ARHGAP42: variants seen among roughly 807,000 people sequenced by gnomAD.
ARHGAP42 encodes Rho GTPase activating protein 42.
In ARHGAP42, 63 loss-of-function variants were observed where a neutral mutation model predicts 125.0. The observed-to-expected ratio is 0.50, with a 90% CI of 0.41 to 0.62. The LOEUF (loss-of-function observed/expected upper bound fraction) is 0.62. ARHGAP42 is among the 20% of genes least tolerant of loss of function. The probability of loss-of-function intolerance (pLI) is 0.00; values close to 1 mark genes in which losing one functional copy is unlikely to be tolerated. For missense variants in ARHGAP42, 766 were observed against 1,024.2 expected (o/e 0.75, Z 3.44); for synonymous variants, 339 against 351.0 (o/e 0.97, Z 0.38).
Position 100,703,394 on chromosome 11 carries a change from T to G in ARHGAP42, c.154+15562T>G, listed in dbSNP as rs140476229. On this transcript the variant is annotated intron_variant, in intron 1 of 23. Coordinates refer to ENST00000298815, the MANE Select transcript of ARHGAP42 (RefSeq NM_152432.4). ...AACATATTATGAAGATGTAGCATTT[T>G]TTTTTCACTTGCTCTTGGCAGGATC... 1.1e-4 allele frequency among the ~76,000 whole-genome samples: 16 copies of G among 152,358 alleles called. No homozygotes were observed. In the East Asian group the frequency reaches 3.1e-3, roughly 29 times the overall value.
chr11:100,796,329 T>A (rs2093652574), intron 3 of ARHGAP42, among the ~76,000 whole-genome samples: 1 of 152,226 alleles, frequency 6.6e-6, no homozygotes. Flanking sequence ...CTGACTGCTG[T>A]ACCAGCCAGC....
At chr11:100,904,951 C>A (rs1177016950) in intron 4 of ARHGAP42, among the ~76,000 whole-genome samples, 1 of 152,204 alleles carries the variant, frequency 6.6e-6, no homozygotes, top group Non-Finnish European at 1.5e-5. Flanking sequence ...CAGCACTGAG[C>A]ATCAGTACCA....
chr11:100,939,432 T>G (rs1041411466), intron 8 of ARHGAP42, among the ~76,000 whole-genome samples: 18 of 152,194 alleles, frequency 1.2e-4, no homozygotes, highest in Admixed American at 6.6e-5. Context: ...TAAAATAGCT[T>G]GAAAATATCA....
chr11:100,728,979 G>A (rs1040456624), intron 1 of ARHGAP42, among the ~76,000 whole-genome samples: 1 of 151,764 alleles, frequency 6.6e-6, no homozygotes, highest in African/African-American at 2.4e-5. Flanking sequence ...ATGTTGGCCA[G>A]GCTGGTCCTG....
At position 100,992,588 on chromosome 11, in the gene ARHGAP42, A is replaced by C. The variant is rs61995873; in HGVS notation, c.*3787A>C. On this transcript the variant is annotated 3_prime_UTR_variant, in exon 24 of 24. Transcript: ENST00000298815. ...TATCGAGTATTCATCAACTGGTCTCAATTTCCTGAACACATTCACTGTATC... is the reference window on the plus strand; with the variant it reads ...TATCGAGTATTCATCAACTGGTCTCCATTTCCTGAACACATTCACTGTATC... 0.05 allele frequency: 80,958 copies of C among 1,613,960 alleles called. 2,669 individuals carry two copies. The highest frequency in any genetic ancestry group is 0.16 in the East Asian group (7,375 of 44,844).
At chr11:100,910,252 A>G (rs1284538323) in intron 4 of ARHGAP42, among the ~76,000 whole-genome samples, 1 of 152,154 alleles carries the variant, frequency 6.6e-6, no homozygotes, top group Non-Finnish European at 1.5e-5. Context: ...GCATAGACAT[A>G]TAGTAAGTAA....
At chr11:100,691,635 C>T (rs991705373) in intron 1 of ARHGAP42, among the ~76,000 whole-genome samples, 2 of 152,146 alleles carry the variant, frequency 1.3e-5, no homozygotes, top group African/African-American at 4.8e-5. Context: ...CCCACCTCAG[C>T]CTCCCCAGTA....
At chr11:100,912,375 G>T (rs1403495459) in intron 4 of ARHGAP42, among the ~76,000 whole-genome samples, 1 of 151,942 alleles carries the variant, frequency 6.6e-6, no homozygotes, top group African/African-American at 2.4e-5. Flanking sequence ...AGCATTATGT[G>T]TTATAAACAC....
In ARHGAP42 at chr11:100,974,587, C is replaced by G. The variant is rs1239436601; in HGVS notation, c.1839C>G (p.Cys613Trp). ...AGCCCAGAGGGAGGTATACTCCATG[C>G]CTGGCCGAACCTGATAGTAAGTGCA... Reference protein sequence around the residue: ...SRKPRGRYTPCLAEPDSDSYS... With the variant: ...SRKPRGRYTPWLAEPDSDSYS... Residue 613 changes from cysteine (C) to tryptophan (W), a missense_variant, in exon 19 of 24, where the codon TGC (cysteine) becomes TGG (tryptophan). Cys to Trp is a radical substitution (Grantham distance 215). Around this residue, in one of 3 missense-constraint regions of ARHGAP42, gnomAD observed 308 missense variants for 369.7 expected, o/e 0.83. Transcript: ENST00000298815. 1 of 1,550,076 alleles carries G rather than the reference C, an allele frequency of 6.5e-7. No individual in the cohort carries two copies. The highest frequency in any genetic ancestry group is 8.7e-7 in the Non-Finnish European group (1 of 1,146,120).
chr11:100,926,108 A>G (rs1052784258), intron 6 of ARHGAP42, among the ~76,000 whole-genome samples: 3 of 152,058 alleles, frequency 2.0e-5, no homozygotes, highest in Non-Finnish European at 4.4e-5. Flanking sequence ...TCTTGTTATG[A>G]CTCATCTGCC....
At position 100,915,362 on chromosome 11, in the gene ARHGAP42, T is replaced by C. The variant is rs139417510; in HGVS notation, c.486+1809T>C. ...ATGTAGTTATGTAGAGAGACACTCA[T>C]CTAATTATCACCAGTACATCATCAT... On this transcript the variant is annotated intron_variant, in intron 5 of 23. Transcript: ENST00000298815. 7.7e-3 allele frequency among the ~76,000 whole-genome samples: 1,173 copies of C among 152,258 alleles called. 18 individuals are homozygous for C. The highest frequency in any genetic ancestry group is 0.017 in the Middle Eastern group (5 of 294).
chr11:100,850,747 A>G (rs1210396278), intron 3 of ARHGAP42, among the ~76,000 whole-genome samples: 1 of 152,116 alleles, frequency 6.6e-6, no homozygotes, highest in Non-Finnish European at 1.5e-5. Flanking sequence ...CTTTATACTT[A>G]AACTTAATTT....
intron 3 of ARHGAP42, 134 bp downstream of exon 3, chr11:100,795,300 T>G: frequency 1.8e-6 from 1 of 563,444 alleles, no homozygotes; most frequent in Middle Eastern, 3.4e-4. Flanking sequence ...TACATGTATT[T>G]TTGAAAAGAT....
At chr11:100,935,673 C>CAGAG (rs202012921) in intron 7 of ARHGAP42, among the ~76,000 whole-genome samples, 5,638 of 121,834 alleles carry the variant, frequency 0.046, 146 homozygotes, top group East Asian at 0.1. Context: ...CACACACACA[C>CAGAG]ACACAGAGAG....
chr11:100,891,101 G>A (rs536121811), intron 4 of ARHGAP42, among the ~76,000 whole-genome samples: 2 of 152,302 alleles, frequency 1.3e-5, no homozygotes, highest in East Asian at 3.9e-4. Flanking sequence ...TCTGAGGCAT[G>A]TGAGACAGAC....
At chr11:100,736,131 A>AC (rs1235375591) in intron 1 of ARHGAP42, among the ~76,000 whole-genome samples, 1 of 152,194 alleles carries the variant, frequency 6.6e-6, no homozygotes, top group East Asian at 1.9e-4. Flanking sequence ...GGGAGATGAT[A>AC]ATGTGGTTAG....
At chr11:100,864,589 G>A (rs1382605294) in intron 4 of ARHGAP42, among the ~76,000 whole-genome samples, 4 of 152,046 alleles carry the variant, frequency 2.6e-5, no homozygotes, top group African/African-American at 9.7e-5. Flanking sequence ...TGGAACTTGC[G>A]CTAAGGAGGC....
At chr11:100,959,779 A>C in intron 12 of ARHGAP42, 104 bp from the exon 13 acceptor site, 1 of 1,057,868 alleles carries the variant, frequency 9.5e-7, no homozygotes, top group Non-Finnish European at 1.4e-6. Flanking sequence ...ACTCAGAAAA[A>C]ACCTCTCTAC....
At chr11:100,707,525 A>T (rs745488429) in intron 1 of ARHGAP42, among the ~76,000 whole-genome samples, 1 of 152,230 alleles carries the variant, frequency 6.6e-6, no homozygotes, top group Non-Finnish European at 1.5e-5. Flanking sequence ...TAACTATTTT[A>T]AACTCTCATC....
Sources: gnomAD v4.1 joint callset for allele counts (sites outside exome capture counted in the v4.1 genomes callset) on GRCh38, gnomAD v4.1.1 for gene constraint, gnomAD v4.1.1 regional missense constraint, MANE v1.5 for transcripts, NCBI Gene and HGNC (gene_info 2026-07-23, HGNC 2026-07-21) for gene names.